SPON1: variants seen among roughly 807,000 people sequenced by gnomAD.
The protein encoded by SPON1 is spondin 1, also known as spondin-1.
A neutral mutation model predicts 111.7 loss-of-function variants in SPON1; 52 were observed. That is an observed-to-expected ratio of 0.47 (90% confidence interval 0.37 to 0.59). The LOEUF is 0.59. Among genes scored for constraint, SPON1 ranks in the 20% least tolerant of loss-of-function variants. The pLI is 0.00. For synonymous variants in SPON1, 410 were observed against 395.8 expected (o/e 1.04, Z -0.43); for missense variants, 957 against 1,068.5 (o/e 0.90, Z 1.46).
At chr11:14,114,268 T>C (rs1554925778) in intron 5 of SPON1, among the ~76,000 whole-genome samples, 1 of 152,228 alleles carries the variant, frequency 6.6e-6, no homozygotes, top group African/African-American at 2.4e-5. Context: ...TCAAGTGTTT[T>C]GATTTTTAGT....
In SPON1 at chr11:14,266,166, T is replaced by A. The variant is rs1554942472; in HGVS notation, c.*479T>A. 1 of 153,032 alleles carries A rather than the reference T, an allele frequency of 6.5e-6. No homozygotes were observed. The highest frequency in any genetic ancestry group is 1.5e-5 in the Non-Finnish European group (1 of 68,642). The allele number at this position is 153,032 out of a possible 1,614,324, so 9.5% of individuals were successfully genotyped here. ...TCTTCTTAGTGGAACTTTAGGTCTC[T>A]TTTCAAGTCTCCTCAGTCATCAATA... On this transcript the variant is annotated 3_prime_UTR_variant, in exon 16 of 16. Transcript: ENST00000576479.
At chr11:14,184,731 C>T (rs1305175564) in intron 6 of SPON1, among the ~76,000 whole-genome samples, 1 of 152,174 alleles carries the variant, frequency 6.6e-6, no homozygotes, top group Non-Finnish European at 1.5e-5. Flanking sequence ...GGGCTGCTGG[C>T]CCTTCCCTCA....
rs1224458584 is a variant in SPON1 at position 14,104,335 on chromosome 11, G to GT, written c.676+24323dup. ...ATCTCTCAATTTTTATAGTTAATTT[G>GT]TTTTTTTTTCCCCTAGATGTTCTTT... On this transcript the variant is annotated intron_variant, in intron 5 of 15. Coordinates refer to ENST00000576479, the MANE Select transcript of SPON1 (RefSeq NM_006108.4). Among the ~76,000 whole-genome samples the GT allele has an allele frequency of 1.0e-3, 148 of 147,834 alleles. 1 individual carries two copies. Among genetic ancestry groups the GT allele is most frequent in the Non-Finnish European group, 1.4e-3 (93 of 66,826 alleles).
At chr11:14,079,267 C>A (rs1848941917) in intron 4 of SPON1, among the ~76,000 whole-genome samples, 1 of 152,166 alleles carries the variant, frequency 6.6e-6, no homozygotes, top group African/African-American at 2.4e-5. Context: ...TACTTCTATA[C>A]CCAGAAGTAC....
chr11:14,123,977 A>G (rs1847426209), intron 5 of SPON1, among the ~76,000 whole-genome samples: 1 of 152,254 alleles, frequency 6.6e-6, no homozygotes, highest in Admixed American at 6.5e-5. Context: ...GGGCTAATGC[A>G]GTGCCACTTA....
intron 11 of SPON1, among the ~76,000 whole-genome samples, chr11:14,258,671 T>C (rs1849137860): frequency 6.6e-6 from 1 of 152,276 alleles, no homozygotes; most frequent in Non-Finnish European, 1.5e-5. Context: ...ATTAATTCCT[T>C]GGCTCTGCCT....
At chr11:14,177,331 C>T (rs943461243) in intron 6 of SPON1, among the ~76,000 whole-genome samples, 1 of 152,062 alleles carries the variant, frequency 6.6e-6, no homozygotes, top group African/African-American at 2.4e-5. Flanking sequence ...TGAACCACTG[C>T]AACCAGCCCA....
intron 5 of SPON1, among the ~76,000 whole-genome samples, chr11:14,114,020 C>A (rs1241973189): frequency 6.6e-6 from 1 of 152,022 alleles, no homozygotes; most frequent in African/African-American, 2.4e-5. Context: ...AATGGTGTAC[C>A]CATCCCCTCA....
chr11:14,063,038 A>G (rs111460591), intron 3 of SPON1, among the ~76,000 whole-genome samples: 33 of 151,652 alleles, frequency 2.2e-4, no homozygotes, highest in African/African-American at 7.3e-4. Context: ...ATTTCTACCT[A>G]TCCTACTTTG....
At chr11:13,978,098 T>C (rs1848116411) in intron 1 of SPON1, among the ~76,000 whole-genome samples, 1 of 152,182 alleles carries the variant, frequency 6.6e-6, no homozygotes, top group Non-Finnish European at 1.5e-5. Context: ...GACCCTAAGC[T>C]GATCAACTGG....
At chr11:14,219,872 A>G in intron 6 of SPON1, among the ~76,000 whole-genome samples, 1 of 152,174 alleles carries the variant, frequency 6.6e-6, no homozygotes, top group East Asian at 1.9e-4. Context: ...ATTATGGCTT[A>G]TCATGAAGAC....
At chr11:13,985,524 C>T (rs949335412) in intron 2 of SPON1, among the ~76,000 whole-genome samples, 3 of 152,114 alleles carry the variant, frequency 2.0e-5, no homozygotes, top group South Asian at 2.1e-4. Context: ...GGTTCAAACC[C>T]GGGCAGTCTG....
rs117040369 is a variant in SPON1, at chr11:14,189,755, T to A, written c.826-53577T>A. 3.5e-3 allele frequency among the ~76,000 whole-genome samples: 528 copies of A among 152,356 alleles called. 1 individual carries two copies. The highest frequency in any genetic ancestry group is 5.9e-3 in the Non-Finnish European group (402 of 68,030). On this transcript the variant is annotated intron_variant, in intron 6 of 15. Transcript: ENST00000576479. ...AGATAGATTTTGATGTCAAAGTTTATTTAGAAGCCAGTTTACACTCAGTCT... is the reference window on the plus strand; with the variant it reads ...AGATAGATTTTGATGTCAAAGTTTAATTAGAAGCCAGTTTACACTCAGTCT...
chr11:14,016,482 A>G (rs1047778662), intron 2 of SPON1, among the ~76,000 whole-genome samples: 25 of 152,246 alleles, frequency 1.6e-4, no homozygotes, highest in African/African-American at 6.0e-4. Flanking sequence ...GACCCATGTA[A>G]CTATAGCATT....
chr11:14,014,983 T>C (rs575140093), intron 2 of SPON1, among the ~76,000 whole-genome samples: 1 of 152,124 alleles, frequency 6.6e-6, no homozygotes, highest in Non-Finnish European at 1.5e-5. Flanking sequence ...TCTGTGCACG[T>C]ACACACACAC....
At chr11:14,161,795 C>G (rs1554931375) in intron 6 of SPON1, among the ~76,000 whole-genome samples, 1 of 152,036 alleles carries the variant, frequency 6.6e-6, no homozygotes. Flanking sequence ...TTTATACCAT[C>G]ATAAAGTCAA....
intron 3 of SPON1, among the ~76,000 whole-genome samples, chr11:14,074,222 A>G (rs1276852606): frequency 6.6e-6 from 1 of 152,230 alleles, no homozygotes; most frequent in East Asian, 1.9e-4. Context: ...TGGGTAAGGA[A>G]TGACTGTAAA....
rs147326571 is a variant in SPON1, at chr11:13,964,893, G to T, written c.238+1751G>T. ...GTCCCCGCTCCACGTAGCAGAGAAA[G>T]AAGTGGCTCTGGAGTCCAACAGACT... On this transcript the variant is annotated intron_variant, in intron 1 of 15. Transcript: ENST00000576479. Among the ~76,000 whole-genome samples, 3 of 152,246 alleles carry T rather than the reference G, an allele frequency of 2.0e-5. No individual in the cohort carries two copies. The East Asian group carries it at 5.8e-4, about 30-fold the overall frequency.
At chr11:14,104,099 A>T (rs1362197992) in intron 5 of SPON1, among the ~76,000 whole-genome samples, 1 of 152,068 alleles carries the variant, frequency 6.6e-6, no homozygotes, top group East Asian at 1.9e-4. Context: ...TTTAATTAGT[A>T]GACCTTTTTA....
Sources: allele counts gnomAD v4.1 joint callset (sites outside exome capture counted in the v4.1 genomes callset), GRCh38; gene constraint gnomAD v4.1.1; transcripts MANE v1.5; gene names NCBI Gene and HGNC (gene_info 2026-07-23, HGNC 2026-07-21).